The following DPP6 variants were observed in gnomAD, a reference collection of about 807,000 sequenced individuals.
The protein encoded by DPP6 is A-type potassium channel modulatory protein DPP6.
In DPP6, 69 loss-of-function variants were observed where a neutral mutation model predicts 122.6. That is an observed-to-expected ratio of 0.56 (90% CI 0.46 to 0.69). The LOEUF (loss-of-function observed/expected upper bound fraction) is 0.69. Ranked by LOEUF, DPP6 falls within the 30% of genes least tolerant of loss-of-function variation. The pLI, the probability that DPP6 is intolerant of heterozygous loss-of-function variation, is 0.00. For missense variants in DPP6, 928 were observed against 1,116.9 expected, an observed-to-expected ratio of 0.83 and a Z score of 2.41; for synonymous variants, 418 against 433.1, an observed-to-expected ratio of 0.97 and a Z score of 0.43.
chr7:154,816,229 C>G (rs1799416658), intron 16 of DPP6, among the ~76,000 whole-genome samples: 1 of 152,132 alleles, frequency 6.6e-6, no homozygotes, highest in Admixed American at 6.5e-5. Flanking sequence ...GTTTCAGTTA[C>G]CTAGAGTCAA....
At chr7:154,473,276 TG>T (rs1486641632) in intron 2 of DPP6, among the ~76,000 whole-genome samples, 4 of 152,194 alleles carry the variant, frequency 2.6e-5, no homozygotes, top group African/African-American at 9.7e-5. Context: ...TTTGAAGCCA[TG>T]TGCCTTTTCC....
intron 1 of DPP6, among the ~76,000 whole-genome samples, chr7:154,275,907 G>A (rs1158494508): frequency 1.3e-5 from 2 of 152,162 alleles, no homozygotes; most frequent in African/African-American, 2.4e-5. Context: ...CAGCCCCTCC[G>A]GCTCCAAATC....
chr7:154,408,794 A>G (rs763744465), intron 1 of DPP6, among the ~76,000 whole-genome samples: 6 of 148,918 alleles, frequency 4.0e-5, no homozygotes, highest in Non-Finnish European at 7.4e-5. Context: ...ACCTTGAATC[A>G]TTTATTTATA....
At position 154,288,428 on chromosome 7, in the gene DPP6, C is replaced by T. The variant is rs74875364; in HGVS notation, c.244-157786C>T. Among the ~76,000 whole-genome samples, 1,385 of 152,294 alleles carry T rather than the reference C, an allele frequency of 9.1e-3. 8 individuals are homozygous for T. The highest frequency in any genetic ancestry group is 0.013 in the Non-Finnish European group (903 of 68,034). ...TGTCCAGAGGACTCCAGGAAAAACT[C>T]GGATCCCACTTTCTGCTACTGACCA... is the stretch of plus-strand genomic sequence containing the variant. On this transcript the variant is annotated intron_variant, in intron 1 of 25. Transcript: ENST00000377770.
the DPP6 span, among the ~76,000 whole-genome samples, chr7:153,865,169 G>A: frequency 6.6e-6 from 1 of 152,068 alleles, no homozygotes; most frequent in South Asian, 2.1e-4. Flanking sequence ...ATATATACAG[G>A]ACCGAAAGAA....
At chr7:154,389,553 G>T (rs1031948301) in intron 1 of DPP6, among the ~76,000 whole-genome samples, 1 of 151,948 alleles carries the variant, frequency 6.6e-6, no homozygotes, top group African/African-American at 2.4e-5. Flanking sequence ...GACCATTTGT[G>T]TTTTGAATTC....
chr7:154,759,193 A>G (rs1223366248), intron 8 of DPP6, among the ~76,000 whole-genome samples: 1 of 152,084 alleles, frequency 6.6e-6, no homozygotes, highest in Admixed American at 6.6e-5. Context: ...TTCCACAGCA[A>G]TTTCCCGCAG....
intron 1 of DPP6, among the ~76,000 whole-genome samples, chr7:153,925,265 G>A (rs904009598): frequency 4.6e-5 from 7 of 152,152 alleles, no homozygotes; most frequent in Admixed American, 2.0e-4. Flanking sequence ...CATGGTGGAA[G>A]GTCCCCAAGG....
chr7:153,754,952 T>G, the DPP6 span, among the ~76,000 whole-genome samples: 26 of 152,156 alleles, frequency 1.7e-4, no homozygotes, highest in African/African-American at 5.8e-4. Context: ...ATGAGGAGTC[T>G]TCTTATAATA....
chr7:154,417,237 G>A (rs1817104064), intron 1 of DPP6, among the ~76,000 whole-genome samples: 1 of 152,278 alleles, frequency 6.6e-6, no homozygotes, highest in East Asian at 1.9e-4. Flanking sequence ...TCCTTATCTG[G>A]AATGGTTTCT....
intron 1 of DPP6, among the ~76,000 whole-genome samples, chr7:153,921,631 C>G (rs928490682): frequency 6.6e-6 from 1 of 152,194 alleles, no homozygotes; most frequent in African/African-American, 2.4e-5. Context: ...CTAAATATAC[C>G]TGACTGTTTT....
intron 1 of DPP6, among the ~76,000 whole-genome samples, chr7:154,442,616 C>T (rs532777366): frequency 6.6e-6 from 1 of 152,076 alleles, no homozygotes; most frequent in South Asian, 2.1e-4. Flanking sequence ...TTAGATTTGG[C>T]CTAGAGGTAG....
At chr7:154,433,676 C>T (rs995075387) in intron 1 of DPP6, among the ~76,000 whole-genome samples, 1 of 152,182 alleles carries the variant, frequency 6.6e-6, no homozygotes, top group Admixed American at 6.5e-5. Flanking sequence ...TTAGTCTTCT[C>T]CTTCTGTCCT....
intron 1 of DPP6, among the ~76,000 whole-genome samples, chr7:154,151,541 T>C (rs1796422228): frequency 1.3e-5 from 2 of 152,254 alleles, no homozygotes; most frequent in African/African-American, 4.8e-5. Context: ...CGACGGCTCT[T>C]GGTGCTCACC....
At chr7:154,599,115 C>A (rs575088008) in intron 5 of DPP6, among the ~76,000 whole-genome samples, 1 of 152,264 alleles carries the variant, frequency 6.6e-6, no homozygotes, top group East Asian at 1.9e-4. Flanking sequence ...TTTCTGCCAG[C>A]ATCTTTATAG....
At chr7:154,855,620 C>T (rs1174637177) in intron 17 of DPP6, among the ~76,000 whole-genome samples, 3 of 152,224 alleles carry the variant, frequency 2.0e-5, no homozygotes, top group Non-Finnish European at 4.4e-5. Context: ...CCTCTGCCCA[C>T]TCTAAGGGGC....
chr7:154,887,145 C>A (rs76668672), intron 22 of DPP6, among the ~76,000 whole-genome samples: 2 of 152,148 alleles, frequency 1.3e-5, no homozygotes, highest in African/African-American at 4.8e-5. Flanking sequence ...GTCTCCTGGG[C>A]GCCCTCAGGC....
chr7:154,595,121 A>G (rs10244391), intron 5 of DPP6, among the ~76,000 whole-genome samples: 91,784 of 151,880 alleles, frequency 0.6, 28,181 homozygotes, highest in African/African-American at 0.7. Context: ...AGGCTGTTGA[A>G]CGCCTGTGTC....
At chr7:154,461,484 A>T (rs1288224030) in intron 2 of DPP6, among the ~76,000 whole-genome samples, 1 of 152,178 alleles carries the variant, frequency 6.6e-6, no homozygotes, top group Non-Finnish European at 1.5e-5. Context: ...ATTTTTATCA[A>T]CAGTGTATGA....
Sources: gnomAD v4.1 joint callset for allele counts (sites outside exome capture counted in the v4.1 genomes callset) on GRCh38, gnomAD v4.1.1 for gene constraint, MANE v1.5 for transcripts, NCBI Gene and HGNC (gene_info 2026-07-23, HGNC 2026-07-21) for gene names.